NBEA: variants seen among roughly 807,000 people sequenced by gnomAD.
The protein encoded by NBEA is lysosomal-trafficking regulator 2.
In NBEA, 44 loss-of-function variants were observed where a neutral mutation model predicts 343.4. That is an observed-to-expected ratio of 0.13 (90% CI 0.10 to 0.16). The LOEUF (loss-of-function observed/expected upper bound fraction) is 0.16. Among genes scored for constraint, NBEA ranks in the 10% least tolerant of loss-of-function variants. The pLI is 1.00. For missense variants in NBEA, 2,555 were observed against 3,631.3 expected, an observed-to-expected ratio of 0.70 and a Z score of 7.62; for synonymous variants, 1,175 against 1,238.7, an observed-to-expected ratio of 0.95 and a Z score of 1.08.
intron 2 of NBEA, among the ~76,000 whole-genome samples, chr13:35,042,786 C>G (rs2062702523): frequency 6.6e-6 from 1 of 151,616 alleles, no homozygotes; most frequent in African/African-American, 2.4e-5. Flanking sequence ...AGAAAAATAC[C>G]TCTGTCTTAC....
intron 41 of NBEA, among the ~76,000 whole-genome samples, chr13:35,507,012 C>CTTCT (rs1252713140): frequency 2.0e-5 from 3 of 152,092 alleles, no homozygotes; most frequent in Admixed American, 2.0e-4. Context: ...TCTCCAATGA[C>CTTCT]TTCTTTCTTT....
intron 46 of NBEA, among the ~76,000 whole-genome samples, chr13:35,586,130 A>G (rs9593297): frequency 0.11 from 16,251 of 152,176 alleles, 1,069 homozygotes; most frequent in African/African-American, 0.18. Context: ...TGTCCAAGAA[A>G]CACATTGGTA....
intron 11 of NBEA, among the ~76,000 whole-genome samples, chr13:35,102,510 T>C (rs1255994286): frequency 6.6e-6 from 1 of 151,786 alleles, no homozygotes; most frequent in Non-Finnish European, 1.5e-5. Flanking sequence ...TTTCAGGTTA[T>C]ATACTTGGTA....
At chr13:34,982,835 T>G (rs1347082280) in intron 1 of NBEA, among the ~76,000 whole-genome samples, 2 of 151,890 alleles carry the variant, frequency 1.3e-5, no homozygotes, top group African/African-American at 2.4e-5. Context: ...CACCTATGGG[T>G]TTTTTTTGCT....
At chr13:35,307,161 A>G (rs1360700204) in intron 35 of NBEA, among the ~76,000 whole-genome samples, 1 of 151,984 alleles carries the variant, frequency 6.6e-6, no homozygotes, top group Admixed American at 6.6e-5. Context: ...TCAGATTCTC[A>G]TCTAGTCTCG....
intron 10 of NBEA, 161 bp downstream of exon 10, chr13:35,071,013 A>ATACAATTATAC: frequency 1.6e-6 from 1 of 621,528 alleles, no homozygotes; most frequent in East Asian, 3.4e-5. Flanking sequence ...TTTATACAAT[A>ATACAATTATAC]AATAAAGAAA....
chr13:34,945,260 GAAT>G (rs1157305556), intron 1 of NBEA, among the ~76,000 whole-genome samples: 1 of 152,072 alleles, frequency 6.6e-6, no homozygotes, highest in Non-Finnish European at 1.5e-5. Flanking sequence ...TTGGAGAAAA[GAAT>G]AAATGACAAA....
At chr13:35,141,668 A>T (rs1377719061) in intron 17 of NBEA, among the ~76,000 whole-genome samples, 1 of 152,216 alleles carries the variant, frequency 6.6e-6, no homozygotes, top group Non-Finnish European at 1.5e-5. Context: ...TTCTATCCTG[A>T]GTATGGGTGT....
At chr13:35,013,607 T>C (rs2152535493) in intron 1 of NBEA, among the ~76,000 whole-genome samples, 1 of 151,804 alleles carries the variant, frequency 6.6e-6, no homozygotes, top group South Asian at 2.1e-4. Context: ...AGTAGCTGGG[T>C]ACAGGTGTGT....
intron 34 of NBEA, among the ~76,000 whole-genome samples, chr13:35,279,269 C>A (rs1184998838): frequency 6.6e-6 from 1 of 152,072 alleles, no homozygotes; most frequent in Non-Finnish European, 1.5e-5. Context: ...TTGCTGTAGA[C>A]TGTAATAAAA....
chr13:35,153,954 G>A (rs1054735551), intron 18 of NBEA, among the ~76,000 whole-genome samples: 1 of 152,150 alleles, frequency 6.6e-6, no homozygotes, highest in Non-Finnish European at 1.5e-5. Flanking sequence ...TTGTTCTTTA[G>A]TATATGGTTT....
chr13:35,145,271 A>G (rs1236655355), intron 18 of NBEA, among the ~76,000 whole-genome samples: 1 of 152,158 alleles, frequency 6.6e-6, no homozygotes, highest in Non-Finnish European at 1.5e-5. Context: ...TACCCAGGAA[A>G]GTTTTGAGTT....
At chr13:35,627,178 C>T (rs12876625) in intron 48 of NBEA, among the ~76,000 whole-genome samples, 2 of 151,874 alleles carry the variant, frequency 1.3e-5, no homozygotes, top group African/African-American at 4.8e-5. Context: ...ATTTAGTGAC[C>T]GCCGTAATTT....
At chr13:35,171,929 T>C (rs2070493180) in intron 26 of NBEA, among the ~76,000 whole-genome samples, 1 of 152,106 alleles carries the variant, frequency 6.6e-6, no homozygotes, top group Non-Finnish European at 1.5e-5. Context: ...ATACCCATGC[T>C]GTTCACCTTT....
intron 40 of NBEA, among the ~76,000 whole-genome samples, chr13:35,456,977 TATTA>T (rs2046614854): frequency 1.3e-5 from 2 of 151,010 alleles, no homozygotes; most frequent in South Asian, 4.2e-4. Context: ...CGTATATTGT[TATTA>T]GTTTATATAT....
At chr13:35,236,000 AT>A (rs1254493954) in intron 34 of NBEA, among the ~76,000 whole-genome samples, 4 of 152,188 alleles carry the variant, frequency 2.6e-5, no homozygotes, top group Admixed American at 2.6e-4. Flanking sequence ...CATTCAAAGA[AT>A]TTTAATACAT....
At chr13:35,363,601 A>G (rs963637120) in intron 38 of NBEA, among the ~76,000 whole-genome samples, 6 of 151,886 alleles carry the variant, frequency 4.0e-5, no homozygotes, top group African/African-American at 1.4e-4. Flanking sequence ...GGTCTCCTGA[A>G]TTCAAGATCC....
chr13:35,145,667 A>G (rs1476123329), intron 18 of NBEA, among the ~76,000 whole-genome samples: 1 of 152,234 alleles, frequency 6.6e-6, no homozygotes, highest in East Asian at 1.9e-4. Context: ...TCAAAAGCAA[A>G]CAAATAGTGA....
Position 35,500,711 on chromosome 13 carries a change from C to CTTT in NBEA, c.6585+28177_6585+28178insTTT, listed in dbSNP as rs34522325. ...TCACTCCTCGTGCTCTTTCCTGGCT[C>CTTT]TTCTTTTTTTTTTTTTTTTGAAAAC... On this transcript the variant is annotated intron_variant, in intron 41 of 58. Transcript: ENST00000379939. 2.3e-4 allele frequency among the ~76,000 whole-genome samples: 4 copies of CTTT among 17,110 alleles called. 1 individual carries two copies. Among genetic ancestry groups the CTTT allele is most frequent in the African/African-American group, 2.4e-4 (1 of 4,190 alleles). 11.2% of individuals were successfully genotyped at this position (17,110 alleles called of 152,430 possible).
Sources: allele counts gnomAD v4.1 joint callset (sites outside exome capture counted in the v4.1 genomes callset), GRCh38; gene constraint gnomAD v4.1.1; transcripts MANE v1.5; gene names NCBI Gene and HGNC (gene_info 2026-07-23, HGNC 2026-07-21).